NAV3: variants seen among roughly 807,000 people sequenced by gnomAD.
The protein encoded by NAV3 is pore membrane and/or filament interacting like protein 1.
A neutral mutation model predicts 244.7 loss-of-function variants in NAV3; 87 were observed. The observed-to-expected ratio is 0.36, with a 90% CI of 0.30 to 0.42. The LOEUF (loss-of-function observed/expected upper bound fraction) is 0.42, where lower values mean the gene tolerates loss of function less well. Among genes scored for constraint, NAV3 ranks in the 20% least tolerant of loss-of-function variants. NAV3 has a pLI of 1.00. For missense variants in NAV3, 2,663 were observed against 2,893.3 expected, an observed-to-expected ratio of 0.92 and a Z score of 1.83; for synonymous variants, 1,126 against 1,042.2, an observed-to-expected ratio of 1.08 and a Z score of -1.55.
At chr12:78,087,306 A>G (rs1422973301) in intron 12 of NAV3, among the ~76,000 whole-genome samples, 1 of 152,078 alleles carries the variant, frequency 6.6e-6, no homozygotes, top group Non-Finnish European at 1.5e-5. Flanking sequence ...TAATTCTAGA[A>G]AACAAACTTC....
chr12:77,873,028 T>C (rs750312948), intron 1 of NAV3, among the ~76,000 whole-genome samples: 1 of 150,626 alleles, frequency 6.6e-6, no homozygotes, highest in Non-Finnish European at 1.5e-5. Context: ...ATTCTCATGA[T>C]AGTTAGTAAG....
At position 78,128,855 on chromosome 12, in the gene NAV3, T is replaced by C. The variant is rs1956041051; in HGVS notation, c.4430T>C (p.Phe1477Ser). 2 of 1,613,036 alleles carry C rather than the reference T, an allele frequency of 1.2e-6. No homozygotes were observed. Among genetic ancestry groups the C allele is most frequent in the African/African-American group, 1.3e-5 (1 of 74,862 alleles). ...MSSSAAGKYH[F>S]SNLVSPTNLS... ...TCTTCTGCAGCTGGAAAATACCACTTTTCTAACTTGGGTAAAATATTCTAA... is the reference window on the plus strand; with the variant it reads ...TCTTCTGCAGCTGGAAAATACCACTCTTCTAACTTGGGTAAAATATTCTAA... The change falls in exon 18 of 40, where the codon TTT becomes TCT. Residue 1477 changes from phenylalanine to serine, a missense_variant. Coordinates refer to ENST00000397909, the MANE Select transcript of NAV3 (RefSeq NM_001024383.2).
intron 2 of NAV3, among the ~76,000 whole-genome samples, chr12:77,704,567 T>G (rs1875706879): frequency 6.6e-6 from 1 of 152,146 alleles, no homozygotes; most frequent in South Asian, 2.1e-4. Context: ...TAATCTTTTT[T>G]TTCTGGTGAA....
chr12:77,792,145 C>T (rs10859382), intron 2 of NAV3, among the ~76,000 whole-genome samples: 61,178 of 151,988 alleles, frequency 0.4, 12,536 homozygotes, highest in East Asian at 0.47. Flanking sequence ...TTCCTCCAAA[C>T]TGTCTTTTTT....
intron 37 of NAV3, 21 bp downstream of exon 37, chr12:78,199,552 A>C (rs374261107): frequency 6.5e-7 from 1 of 1,538,662 alleles, no homozygotes; most frequent in Admixed American, 2.2e-5. Flanking sequence ...AAATTATAAT[A>C]TGCCATTTTC....
intron 2 of NAV3, among the ~76,000 whole-genome samples, chr12:77,720,820 G>A (rs1347037968): frequency 6.6e-6 from 1 of 152,116 alleles, no homozygotes; most frequent in African/African-American, 2.4e-5. Context: ...CACAAAGGGA[G>A]TGTGTCCATG....
chr12:77,991,625 G>C (rs1348890577), intron 5 of NAV3, among the ~76,000 whole-genome samples: 1 of 152,140 alleles, frequency 6.6e-6, no homozygotes, highest in African/African-American at 2.4e-5. Context: ...ATTCCCATAG[G>C]AGTTATAGCA....
intron 29 of NAV3, among the ~76,000 whole-genome samples, chr12:78,180,202 T>G (rs1958441020): frequency 2.0e-5 from 3 of 152,074 alleles, no homozygotes; most frequent in African/African-American, 7.2e-5. Flanking sequence ...AAGGCTAAAT[T>G]CAGAACCAGT....
At chr12:77,701,800 AT>A (rs534921270) in intron 2 of NAV3, among the ~76,000 whole-genome samples, 18 of 151,752 alleles carry the variant, frequency 1.2e-4, no homozygotes, top group Non-Finnish European at 1.9e-4. Flanking sequence ...TATTTTCTTT[AT>A]TTCTAAAATT....
chr12:78,101,026 G>T (rs1593582630), intron 12 of NAV3, among the ~76,000 whole-genome samples: 1 of 151,980 alleles, frequency 6.6e-6, no homozygotes, highest in East Asian at 1.9e-4. Context: ...CATTCCCTTG[G>T]TTTTTGCCAC....
chr12:78,028,569 G>A (rs531304585), intron 9 of NAV3, among the ~76,000 whole-genome samples: 7 of 152,174 alleles, frequency 4.6e-5, no homozygotes, highest in African/African-American at 1.7e-4. Context: ...TACTTATACA[G>A]CAGGAACCCA....
At chr12:77,956,811 G>A (rs922289163) in intron 3 of NAV3, among the ~76,000 whole-genome samples, 2 of 151,418 alleles carry the variant, frequency 1.3e-5, no homozygotes, top group African/African-American at 4.9e-5. Context: ...GTGTGATCTC[G>A]GCTCACTGCA....
intron 1 of NAV3, among the ~76,000 whole-genome samples, chr12:77,836,471 A>C (rs1482224612): frequency 6.6e-6 from 1 of 152,196 alleles, no homozygotes; most frequent in Non-Finnish European, 1.5e-5. Flanking sequence ...TTTTGTGGAC[A>C]AGCCTTGTAT....
At chr12:77,668,073 A>G (rs1282745984) in intron 2 of NAV3, among the ~76,000 whole-genome samples, 2 of 152,178 alleles carry the variant, frequency 1.3e-5, no homozygotes, top group African/African-American at 4.8e-5. Flanking sequence ...AGGAAGCCCT[A>G]TTTCTAGGGG....
chr12:77,772,519 C>T lies in NAV3; in HGVS notation c.73-167800C>T, dbSNP rs537420262. On this transcript the variant is annotated intron_variant, in intron 2 of 8. Transcript: ENST00000550042. ...AGACTTATGATAAATAGTGCTACCA[C>T]TGACACTGACTTCACTGAGCAAAAC... is the stretch of plus-strand genomic sequence containing the variant. Among the ~76,000 whole-genome samples the T allele has an allele frequency of 3.3e-5, 5 of 152,276 alleles. No individual in the cohort carries two copies. In the South Asian group the frequency reaches 1.0e-3, roughly 32 times the overall value.
At chr12:77,773,340 A>T (rs1023204800) in intron 2 of NAV3, among the ~76,000 whole-genome samples, 1 of 152,180 alleles carries the variant, frequency 6.6e-6, no homozygotes, top group Admixed American at 6.6e-5. Flanking sequence ...ATCTCAAAAG[A>T]AAAGCAATAT....
intron 2 of NAV3, among the ~76,000 whole-genome samples, chr12:77,624,017 CAAT>C (rs555107089): frequency 1.3e-4 from 19 of 151,944 alleles, no homozygotes; most frequent in Non-Finnish European, 2.1e-4. Context: ...ATCAGGCATA[CAAT>C]AATGTCAAGG....
At chr12:78,175,208 C>G (rs2139643280) in intron 24 of NAV3, 98 bp from the exon 25 acceptor site, 1 of 1,337,340 alleles carries the variant, frequency 7.5e-7, no homozygotes, top group South Asian at 1.3e-5. Context: ...GCCTTGTTGA[C>G]CTTTATTAGA....
chr12:78,174,148 G>A (rs1349230354), intron 24 of NAV3, among the ~76,000 whole-genome samples: 5 of 151,806 alleles, frequency 3.3e-5, no homozygotes, highest in African/African-American at 1.2e-4. Context: ...TGGACTAAAA[G>A]CAAATGTGAC....
Sources: allele counts gnomAD v4.1 joint callset (sites outside exome capture counted in the v4.1 genomes callset), GRCh38; gene constraint gnomAD v4.1.1; transcripts MANE v1.5; gene names NCBI Gene and HGNC (gene_info 2026-07-23, HGNC 2026-07-21).